Variants in PAK1 observed in about 807,000 individuals in gnomAD.
PAK1 encodes the protein serine/threonine-protein kinase PAK 1.
Under a neutral mutation model 67.4 loss-of-function variants are expected in PAK1, and 29 were observed. The ratio of observed to expected loss-of-function variants is 0.43; its 90% confidence interval spans 0.32 to 0.59. The LOEUF is 0.59. PAK1 is among the 20% of genes least tolerant of loss of function. PAK1 has a pLI of 0.07. For synonymous variants in PAK1, 223 were observed against 237.4 expected (o/e 0.94, Z 0.56); for missense variants, 337 against 670.7 (o/e 0.50, Z 5.50).
the PAK1 span, among the ~76,000 whole-genome samples, chr11:77,507,810 G>A: frequency 2.0e-5 from 3 of 152,214 alleles, no homozygotes; most frequent in South Asian, 6.2e-4. Flanking sequence ...ACACGCATGA[G>A]CCACCACACC....
intron 1 of PAK1, among the ~76,000 whole-genome samples, chr11:77,440,935 G>C (rs1352287469): frequency 6.6e-6 from 1 of 152,072 alleles, no homozygotes; most frequent in Non-Finnish European, 1.5e-5. Flanking sequence ...AGCTAGATGG[G>C]CTTGGGGATC....
chr11:77,341,248 C>T (rs1591764736), intron 10 of PAK1, among the ~76,000 whole-genome samples: 4 of 152,110 alleles, frequency 2.6e-5, no homozygotes, highest in African/African-American at 9.7e-5. Flanking sequence ...AGACTCTATC[C>T]TCAGAGTCCA....
chr11:77,325,378 T>G, intron 14 of PAK1: 1 of 1,613,202 alleles, frequency 6.2e-7, no homozygotes, highest in South Asian at 1.1e-5. Flanking sequence ...TTTTCTCACC[T>G]GTAAAAATGA....
the PAK1 span, among the ~76,000 whole-genome samples, chr11:77,511,174 G>A: frequency 6.6e-6 from 1 of 152,162 alleles, no homozygotes; most frequent in Admixed American, 6.5e-5. Context: ...CAAGGGTTGA[G>A]GAAGGAACCT....
At chr11:77,348,276 C>A (rs989404956) in intron 9 of PAK1, among the ~76,000 whole-genome samples, 3 of 152,212 alleles carry the variant, frequency 2.0e-5, no homozygotes, top group Non-Finnish European at 4.4e-5. Context: ...GTAAGAACTT[C>A]TCTGGGGCAG....
At chr11:77,336,311 T>C in intron 12 of PAK1, 29 bp from the exon 13 acceptor site, 13 of 1,549,512 alleles carry the variant, frequency 8.4e-6, no homozygotes, top group Non-Finnish European at 1.2e-5. Flanking sequence ...AGAAAGAACA[T>C]ACATTTAGGA....
chr11:77,443,168 C>A (rs1253654649), intron 1 of PAK1, among the ~76,000 whole-genome samples: 2 of 151,950 alleles, frequency 1.3e-5, no homozygotes, highest in Admixed American at 1.3e-4. Context: ...ACTAAAAATA[C>A]AAAAATTAGC....
chr11:77,494,674 T>C, the PAK1 span, among the ~76,000 whole-genome samples: 1 of 150,850 alleles, frequency 6.6e-6, no homozygotes, highest in Non-Finnish European at 1.5e-5. Context: ...TTGGTGGGAA[T>C]GGAAAATGAT....
intron 1 of PAK1, among the ~76,000 whole-genome samples, chr11:77,427,019 G>C (rs1955585065): frequency 6.6e-6 from 1 of 152,138 alleles, no homozygotes; most frequent in Non-Finnish European, 1.5e-5. Context: ...AAATGGGGTT[G>C]GTAGTGGGAT....
At chr11:77,500,622 G>A in the PAK1 span, among the ~76,000 whole-genome samples, 1 of 152,136 alleles carries the variant, frequency 6.6e-6, no homozygotes, top group East Asian at 1.9e-4. Flanking sequence ...GAGGCAGGAG[G>A]ATCATTTGAG....
At chr11:77,371,598 G>A (rs1948434685) in intron 5 of PAK1, among the ~76,000 whole-genome samples, 1 of 152,082 alleles carries the variant, frequency 6.6e-6, no homozygotes, top group South Asian at 2.1e-4. Flanking sequence ...TAATTTCTTA[G>A]GCAGCAATTA....
chr11:77,437,717 C>T (rs1206934794), intron 1 of PAK1, among the ~76,000 whole-genome samples: 4 of 147,166 alleles, frequency 2.7e-5, no homozygotes, highest in Non-Finnish European at 4.4e-5. Flanking sequence ...TACACAGTAC[C>T]AAGATTGAGA....
chr11:77,447,304 T>C lies in PAK1; in HGVS notation c.-22+26248A>G, dbSNP rs1047635115. Among the ~76,000 whole-genome samples, 8 of 152,334 alleles carry C rather than the reference T, an allele frequency of 5.3e-5. No homozygotes were observed. In the East Asian group the frequency reaches 9.6e-4, roughly 18 times the overall value. ...AATAGTTGGGATAAGAATCCCATTA[T>C]TCCCATTGTCTGATTCTATAGCTCT... On this transcript the variant is annotated intron_variant, in intron 1 of 14. Coordinates refer to ENST00000356341, the MANE Select transcript of PAK1 (RefSeq NM_002576.5).
At position 77,469,992 on chromosome 11, in the gene PAK1, G is replaced by A. The variant is rs191097686; in HGVS notation, c.-22+3560C>T. On this transcript the variant is annotated intron_variant, in intron 1 of 14. Transcript: ENST00000356341. ...CGTTTTTAGATGCATATTGTTTATC[G>A]CTTTTCAAAAATAAACAATAAACTG... 3.8e-4 allele frequency among the ~76,000 whole-genome samples: 58 copies of A among 151,752 alleles called. 1 individual carries two copies. The highest frequency in any genetic ancestry group is 3.4e-3 in the Middle Eastern group (1 of 292).
At chr11:77,333,934 T>C (rs1217448976) in intron 13 of PAK1, among the ~76,000 whole-genome samples, 2 of 151,564 alleles carry the variant, frequency 1.3e-5, no homozygotes, top group Non-Finnish European at 2.9e-5. Flanking sequence ...CTGAGGTGGG[T>C]GGATCACCTG....
At chr11:77,404,546 T>C (rs1260250400) in intron 1 of PAK1, among the ~76,000 whole-genome samples, 1 of 152,128 alleles carries the variant, frequency 6.6e-6, no homozygotes, top group East Asian at 1.9e-4. Flanking sequence ...GGATTACAGA[T>C]GTGAGCCACT....
the PAK1 span, among the ~76,000 whole-genome samples, chr11:77,497,652 A>T: frequency 6.6e-6 from 1 of 152,220 alleles, no homozygotes; most frequent in Non-Finnish European, 1.5e-5. Flanking sequence ...TTGAGCCAAG[A>T]ATTCCATCCA....
rs532380143 is a variant in PAK1, at chr11:77,322,955, T to A, written c.*319A>T. ...TCAAGAATTAATTGTGGGAGATGGTTATGAAGGAGGTGAGGATTTTGACAC... is the reference window on the plus strand; with the variant it reads ...TCAAGAATTAATTGTGGGAGATGGTAATGAAGGAGGTGAGGATTTTGACAC... On this transcript the variant is annotated 3_prime_UTR_variant, in exon 15 of 15. Transcript: ENST00000356341. 1 of 591,674 alleles carries A rather than the reference T, an allele frequency of 1.7e-6. No homozygotes were observed. The highest frequency in any genetic ancestry group is 2.8e-5 in the East Asian group (1 of 36,152). 36.7% of individuals were successfully genotyped at this position (591,674 alleles called of 1,614,324 possible).
intron 5 of PAK1, among the ~76,000 whole-genome samples, chr11:77,359,477 C>A (rs191660066): frequency 9.2e-5 from 14 of 152,246 alleles, no homozygotes; most frequent in Admixed American, 7.2e-4. Flanking sequence ...GCAGTCTAAA[C>A]AGGCTTTTGC....
Sources: allele counts gnomAD v4.1 joint callset (sites outside exome capture counted in the v4.1 genomes callset), GRCh38; gene constraint gnomAD v4.1.1; transcripts MANE v1.5; gene names NCBI Gene and HGNC (gene_info 2026-07-23, HGNC 2026-07-21).